The following PDZD2 variants were observed in gnomAD, a reference collection of about 807,000 sequenced individuals.
The protein encoded by PDZD2 is PDZ domain containing 2.
Under a neutral mutation model 220.7 loss-of-function variants are expected in PDZD2, and 90 were observed. The ratio of observed to expected loss-of-function variants is 0.41; its 90% confidence interval spans 0.34 to 0.49. The LOEUF is 0.49. Among genes scored for constraint, PDZD2 ranks in the 20% least tolerant of loss-of-function variants. PDZD2 has a pLI of 0.28. For missense variants in PDZD2, 3,174 were observed against 3,608.5 expected, an observed-to-expected ratio of 0.88 and a Z score of 3.08; for synonymous variants, 1,375 against 1,450.5, an observed-to-expected ratio of 0.95 and a Z score of 1.18.
At chr5:31,653,998 A>G (rs1057199598) in intron 1 of PDZD2, among the ~76,000 whole-genome samples, 7 of 152,136 alleles carry the variant, frequency 4.6e-5, no homozygotes, top group Non-Finnish European at 1.0e-4. Context: ...GTTAGCCAGT[A>G]TGGTCTCGAT....
intron 1 of PDZD2, among the ~76,000 whole-genome samples, chr5:31,651,334 G>T (rs1219109781): frequency 5.3e-5 from 8 of 152,210 alleles, no homozygotes; most frequent in Non-Finnish European, 1.2e-4. Context: ...GCTGTCATGA[G>T]TGGGATTTGC....
intron 1 of PDZD2, among the ~76,000 whole-genome samples, chr5:31,751,386 A>C (rs1750964386): frequency 6.6e-6 from 1 of 152,060 alleles, no homozygotes; most frequent in African/African-American, 2.4e-5. Flanking sequence ...CTAGGTGGGA[A>C]ATGATGGGGG....
At chr5:31,858,641 C>A (rs1348228692) in intron 2 of PDZD2, among the ~76,000 whole-genome samples, 1 of 152,154 alleles carries the variant, frequency 6.6e-6, no homozygotes, top group East Asian at 1.9e-4. Context: ...TATTGTAGAA[C>A]CTAAGGTTGG....
chr5:31,665,808 A>G (rs1299748757), intron 1 of PDZD2, among the ~76,000 whole-genome samples: 2 of 152,178 alleles, frequency 1.3e-5, no homozygotes, highest in Non-Finnish European at 2.9e-5. Context: ...TCTTTGTATC[A>G]GTGTGAAAAA....
At chr5:31,766,667 C>G (rs1408561198) in intron 1 of PDZD2, among the ~76,000 whole-genome samples, 1 of 152,028 alleles carries the variant, frequency 6.6e-6, no homozygotes, top group East Asian at 1.9e-4. Flanking sequence ...GCTGGGATTA[C>G]AGGTGTGAGC....
At chr5:31,781,771 C>T (rs1442550615) in intron 1 of PDZD2, among the ~76,000 whole-genome samples, 5 of 152,150 alleles carry the variant, frequency 3.3e-5, no homozygotes, top group African/African-American at 4.8e-5. Flanking sequence ...ATCCTTATAA[C>T]ACAGTTGTAT....
At chr5:31,724,114 G>A (rs1748968530) in intron 1 of PDZD2, among the ~76,000 whole-genome samples, 1 of 152,128 alleles carries the variant, frequency 6.6e-6, no homozygotes, top group Non-Finnish European at 1.5e-5. Flanking sequence ...AAAAAACTAA[G>A]CAATATTATG....
intron 24 of PDZD2, among the ~76,000 whole-genome samples, chr5:32,102,630 G>A (rs1409454941): frequency 6.6e-6 from 1 of 152,046 alleles, no homozygotes; most frequent in African/African-American, 2.4e-5. Context: ...TCGACTATAA[G>A]AGCCCTCACA....
intron 24 of PDZD2, chr5:32,103,834 A>G (rs1216864126): frequency 1.3e-5 from 2 of 152,176 alleles, no homozygotes; most frequent in East Asian, 1.9e-4. Context: ...CCCACACTAG[A>G]AGAAGCCACA....
chr5:31,969,638 C>T (rs1749113326), intron 2 of PDZD2, among the ~76,000 whole-genome samples: 1 of 150,112 alleles, frequency 6.7e-6, no homozygotes, highest in Admixed American at 6.7e-5. Flanking sequence ...GTGAAGTGGG[C>T]ATGAGGGATC....
At chr5:32,106,775 A>G (rs928073033) in intron 24 of PDZD2, among the ~76,000 whole-genome samples, 11 of 152,194 alleles carry the variant, frequency 7.2e-5, no homozygotes, top group Admixed American at 1.3e-4. Flanking sequence ...TAACACAAAT[A>G]TAATTGGTTC....
intron 1 of PDZD2, among the ~76,000 whole-genome samples, chr5:31,670,113 T>G (rs1328577508): frequency 6.6e-6 from 1 of 152,256 alleles, no homozygotes; most frequent in South Asian, 2.1e-4. Context: ...AGCTCACCCC[T>G]TTTCCTCCCT....
rs1581214935 is a variant in PDZD2 at position 31,984,788 on chromosome 5, A to C, written c.978+1132A>C. On this transcript the variant is annotated intron_variant, in intron 3 of 24. Coordinates refer to ENST00000438447, the MANE Select transcript of PDZD2 (RefSeq NM_178140.4). ...GGTTACAGTGAGCCAAGATTCTACC[A>C]CTGCTCTTCATCCTGGGTGACAGAG... Among the ~76,000 whole-genome samples the C allele has an allele frequency of 2.0e-5, 3 of 152,282 alleles. No homozygotes were observed. In the East Asian group the frequency reaches 5.8e-4, roughly 29 times the overall value.
rs758919157 is a variant in PDZD2, at chr5:32,088,443, A to G, written c.4995A>G (p.Pro1665=). The change falls in exon 20 of 25, where the codon CCA becomes CCG. Residue 1665 remains proline, a synonymous_variant. Transcript: ENST00000438447. This position sits in a 1 kb window ranked among gnomAD's most constrained non-coding sequence, Gnocchi z 4.6. ...CTTCAGGCCCAGACTCTTCCCAGCC[A>G]TCATCACTCTTGGAGATGAGCTCTC... The part of the protein sequence containing the change: ...SYTSGPDSSQ[P]SSLLEMSSQE... The G allele has an allele frequency of 1.9e-6, 3 of 1,613,980 alleles. No individual in the cohort carries two copies. Among genetic ancestry groups the G allele is most frequent in the Non-Finnish European group, 2.5e-6 (3 of 1,180,016 alleles).
chr5:31,878,936 T>G (rs16901650), intron 2 of PDZD2, among the ~76,000 whole-genome samples: 3,298 of 152,146 alleles, frequency 0.022, 108 homozygotes, highest in African/African-American at 0.072. Context: ...CTACCCTTCC[T>G]CCATTAGCTA....
At chr5:31,884,579 G>A (rs1043332916) in intron 2 of PDZD2, among the ~76,000 whole-genome samples, 1 of 151,676 alleles carries the variant, frequency 6.6e-6, no homozygotes, top group Non-Finnish European at 1.5e-5. Flanking sequence ...CAATTTGGAC[G>A]TCATTGTATT....
At chr5:31,784,224 C>T (rs1753243808) in intron 1 of PDZD2, among the ~76,000 whole-genome samples, 2 of 152,198 alleles carry the variant, frequency 1.3e-5, no homozygotes, top group African/African-American at 4.8e-5. Context: ...CCCCACATGG[C>T]CACTTTGCTA....
At chr5:31,674,136 G>A (rs1746316432) in intron 1 of PDZD2, among the ~76,000 whole-genome samples, 2 of 152,144 alleles carry the variant, frequency 1.3e-5, no homozygotes, top group Non-Finnish European at 2.9e-5. Flanking sequence ...TTGTTGATAA[G>A]CCACCCAGTC....
At chr5:31,896,959 G>T (rs1741624557) in intron 2 of PDZD2, among the ~76,000 whole-genome samples, 1 of 152,138 alleles carries the variant, frequency 6.6e-6, no homozygotes. Flanking sequence ...TCAAAAACCA[G>T]TTACAAAGAA....
Sources: allele counts gnomAD v4.1 joint callset (sites outside exome capture counted in the v4.1 genomes callset), GRCh38; gene constraint gnomAD v4.1.1; non-coding constraint Gnocchi (gnomAD v3.1); transcripts MANE v1.5; gene names NCBI Gene and HGNC (gene_info 2026-07-23, HGNC 2026-07-21).